Variants in SPPL3 observed in about 807,000 individuals in gnomAD.
The protein encoded by SPPL3 is signal peptide peptidase like 3, also known as signal peptide peptidase-like 3.
A neutral mutation model predicts 42.4 loss-of-function variants in SPPL3; 5 were observed. The observed-to-expected ratio is 0.12, with a 90% CI of 0.06 to 0.25. The LOEUF (loss-of-function observed/expected upper bound fraction) is 0.25, where lower values mean the gene tolerates loss of function less well. Among genes scored for constraint, SPPL3 ranks in the 10% least tolerant of loss-of-function variants. SPPL3 has a pLI of 1.00. For synonymous variants in SPPL3, 195 were observed against 181.8 expected (o/e 1.07, Z -0.58); for missense variants, 235 against 489.0 (o/e 0.48, Z 4.90).
intron 1 of SPPL3, among the ~76,000 whole-genome samples, chr12:120,880,153 C>CAA (rs1288417882): frequency 6.6e-6 from 1 of 151,724 alleles, no homozygotes; most frequent in Non-Finnish European, 1.5e-5. Context: ...GGCTGAGACA[C>CAA]ATTATTGAGT....
chr12:120,817,082 G>T (rs1870907062), intron 1 of SPPL3, among the ~76,000 whole-genome samples: 1 of 151,690 alleles, frequency 6.6e-6, no homozygotes, highest in Non-Finnish European at 1.5e-5. Flanking sequence ...TTGAGCCCAG[G>T]AGTTCAAGAC....
chr12:120,778,111 ATTTT>A (rs57779322), intron 6 of SPPL3, among the ~76,000 whole-genome samples: 280 of 90,932 alleles, frequency 3.1e-3, no homozygotes, highest in African/African-American at 0.011. Context: ...CTGAAAAGCA[ATTTT>A]TTTTTTTTTT....
rs1343481078 is a variant in SPPL3, at chr12:120,891,685, C to T, written c.23+12160G>A. Among the ~76,000 whole-genome samples, 6 of 146,296 alleles carry T rather than the reference C, an allele frequency of 4.1e-5. No individual in the cohort carries two copies. The Admixed American group carries it at 4.2e-4, about 10-fold the overall frequency. ...CGAGATGTTTCCTGCAAAATATTTT[C>T]ACATGAGCATGTTACTGAAATTTTT... On this transcript the variant is annotated intron_variant, in intron 1 of 10. Transcript: ENST00000353487.
chr12:120,806,305 C>G (rs1870486333), intron 2 of SPPL3, among the ~76,000 whole-genome samples: 1 of 150,940 alleles, frequency 6.6e-6, no homozygotes, highest in South Asian at 2.1e-4. Flanking sequence ...CTCAGGTGAT[C>G]CTCCCACCTT....
At chr12:120,814,927 A>AT (rs1398448965) in intron 1 of SPPL3, among the ~76,000 whole-genome samples, 2 of 152,112 alleles carry the variant, frequency 1.3e-5, no homozygotes, top group East Asian at 3.8e-4. Context: ...CCTTTTTAAA[A>AT]TTTTCTTTTA....
At chr12:120,856,038 C>A (rs897333833) in intron 1 of SPPL3, among the ~76,000 whole-genome samples, 1 of 152,196 alleles carries the variant, frequency 6.6e-6, no homozygotes, top group African/African-American at 2.4e-5. Flanking sequence ...ACAGCACTGT[C>A]CAATCAGGTA....
chr12:120,884,108 A>G (rs1470483331), intron 1 of SPPL3, among the ~76,000 whole-genome samples: 1 of 152,024 alleles, frequency 6.6e-6, no homozygotes, highest in Non-Finnish European at 1.5e-5. Context: ...TCTCAAAAAA[A>G]AAAAAAAAAA....
chr12:120,839,483 A>G (rs957033694), intron 1 of SPPL3, among the ~76,000 whole-genome samples: 1 of 152,086 alleles, frequency 6.6e-6, no homozygotes, highest in Non-Finnish European at 1.5e-5. Flanking sequence ...CATTGTGCAC[A>G]TGTACCCTAA....
chr12:120,856,669 A>G (rs1045565351), intron 1 of SPPL3, among the ~76,000 whole-genome samples: 3 of 152,074 alleles, frequency 2.0e-5, no homozygotes, highest in Non-Finnish European at 4.4e-5. Flanking sequence ...AGCAATCTGG[A>G]TGCAAAACTG....
At chr12:120,851,138 T>TA (rs1249161171) in intron 1 of SPPL3, among the ~76,000 whole-genome samples, 1 of 152,218 alleles carries the variant, frequency 6.6e-6, no homozygotes, top group Non-Finnish European at 1.5e-5. Flanking sequence ...ACTTACCAGG[T>TA]GTTATCATTC....
intron 2 of SPPL3, among the ~76,000 whole-genome samples, chr12:120,808,667 G>A (rs1470470283): frequency 6.6e-6 from 1 of 152,150 alleles, no homozygotes; most frequent in Non-Finnish European, 1.5e-5. Flanking sequence ...GGAATAAGAT[G>A]AGTAACACAA....
At chr12:120,783,779 T>A (rs752253223) in intron 4 of SPPL3, 27 bp from the exon 5 acceptor site, 8 of 1,598,244 alleles carry the variant, frequency 5.0e-6, no homozygotes, top group Admixed American at 1.7e-5. Flanking sequence ...TATAATTTTT[T>A]AAAACAATTA....
intron 1 of SPPL3, among the ~76,000 whole-genome samples, chr12:120,865,607 A>G (rs1322239840): frequency 6.6e-6 from 1 of 152,252 alleles, no homozygotes; most frequent in Non-Finnish European, 1.5e-5. Flanking sequence ...AGTATATATT[A>G]TACTACTATA....
chr12:120,801,561 G>C (rs1167393837), intron 2 of SPPL3, among the ~76,000 whole-genome samples: 1 of 151,918 alleles, frequency 6.6e-6, no homozygotes, highest in Non-Finnish European at 1.5e-5. Context: ...GTTTTCCCTT[G>C]GCCCTGTTAC....
At chr12:120,784,298 G>T in intron 4 of SPPL3, 176 bp downstream of exon 4, 1 of 528,634 alleles carries the variant, frequency 1.9e-6, no homozygotes. Flanking sequence ...CGTGGATCAA[G>T]AGGTTCAAGG....
At chr12:120,819,108 A>G (rs1393293745) in intron 1 of SPPL3, among the ~76,000 whole-genome samples, 2 of 152,224 alleles carry the variant, frequency 1.3e-5, no homozygotes, top group Admixed American at 6.5e-5. Flanking sequence ...GGAGTACTTC[A>G]TAGCCTTTTC....
At chr12:120,782,999 G>T (rs575553190) in intron 5 of SPPL3, among the ~76,000 whole-genome samples, 1 of 152,272 alleles carries the variant, frequency 6.6e-6, no homozygotes, top group South Asian at 2.1e-4. Context: ...GCATTTAGAA[G>T]TTTGAAGTGA....
intron 2 of SPPL3, among the ~76,000 whole-genome samples, chr12:120,802,454 A>C (rs1215773848): frequency 1.0e-5 from 1 of 100,318 alleles, no homozygotes; most frequent in East Asian, 2.8e-4. Flanking sequence ...TTCCTTTTTG[A>C]GATGGAGTCT....
At chr12:120,806,684 T>G (rs1407827787) in intron 2 of SPPL3, among the ~76,000 whole-genome samples, 1 of 151,624 alleles carries the variant, frequency 6.6e-6, no homozygotes, top group Non-Finnish European at 1.5e-5. Flanking sequence ...ACGTCTCTAC[T>G]AAAAAATACA....
Sources: allele counts gnomAD v4.1 joint callset (sites outside exome capture counted in the v4.1 genomes callset), GRCh38; gene constraint gnomAD v4.1.1; transcripts MANE v1.5; gene names NCBI Gene and HGNC (gene_info 2026-07-23, HGNC 2026-07-21).